CDKL1: variants seen among roughly 807,000 people sequenced by gnomAD.
CDKL1 encodes the protein cyclin-dependent kinase-like 1.
A neutral mutation model predicts 42.0 loss-of-function variants in CDKL1; 41 were observed. The ratio of observed to expected loss-of-function variants is 0.98; its 90% confidence interval spans 0.76 to 1.27. CDKL1 has a LOEUF of 1.27. Among genes scored for constraint, CDKL1 ranks in the 50% most tolerant of loss-of-function variants. The pLI, the probability that CDKL1 is intolerant of heterozygous loss-of-function variation, is 0.00. For synonymous variants in CDKL1, 153 were observed against 158.6 expected, an observed-to-expected ratio of 0.96 and a Z score of 0.26; for missense variants, 394 against 428.4, an observed-to-expected ratio of 0.92 and a Z score of 0.71.
At chr14:50,362,383 C>G (rs554974846) in intron 2 of CDKL1, 3 of 268,876 alleles carry the variant, frequency 1.1e-5, no homozygotes, top group African/African-American at 7.1e-5. Context: ...CTTGGAGAAC[C>G]TTTATGTCTA....
chr14:50,343,024 T>C, intron 4 of CDKL1: 1 of 1,352,854 alleles, frequency 7.4e-7, no homozygotes, highest in Non-Finnish European at 9.8e-7. Context: ...ACCTGTGGTT[T>C]CCAGCCCACA....
chr14:50,340,002 C>A (rs2033453859), intron 6 of CDKL1, among the ~76,000 whole-genome samples: 1 of 152,106 alleles, frequency 6.6e-6, no homozygotes, highest in African/African-American at 2.4e-5. Flanking sequence ...GGTGAGCAAC[C>A]AAGATATACC....
chr14:50,343,147 A>T lies in CDKL1; in HGVS notation c.364-925T>A, dbSNP rs2033609406. 8.7e-6 allele frequency: 5 copies of T among 577,748 alleles called. No homozygotes were observed. The South Asian group carries it at 1.0e-4, about 12-fold the overall frequency. The allele number at this position is 577,748 out of a possible 1,614,324, so 35.8% of individuals were successfully genotyped here. On this transcript the variant is annotated intron_variant, in intron 4 of 9. Transcript: ENST00000395834. ...CAAAGAACAAATCAACAACCTAATT[A>T]AGAGTTACTTTTTTTTTTTTTTTTT...
chr14:50,356,989 C>A (rs1028033852), intron 3 of CDKL1: 1 of 152,186 alleles, frequency 6.6e-6, no homozygotes, highest in Non-Finnish European at 1.5e-5. Flanking sequence ...TTGACTCCCA[C>A]AAATCAGTGT....
chr14:50,381,905 T>C (rs539383777), intron 2 of CDKL1, among the ~76,000 whole-genome samples: 5 of 152,302 alleles, frequency 3.3e-5, no homozygotes, highest in African/African-American at 9.6e-5. Flanking sequence ...CCCAAAGCGC[T>C]GGAATCACAG....
Position 50,332,435 on chromosome 14 carries a change from A to G in CDKL1, c.796-3T>C, listed in dbSNP as rs752805676. 1.3e-6 allele frequency: 2 copies of G among 1,588,726 alleles called. No homozygotes were observed. Among genetic ancestry groups the G allele is most frequent in the South Asian group, 2.3e-5 (2 of 86,076 alleles). ...GTAGGGTCCATGTGGAGACAGCCCTAAAAGAACAGAAAATTCCTTCTTCTT... is the reference window on the plus strand; with the variant it reads ...GTAGGGTCCATGTGGAGACAGCCCTGAAAGAACAGAAAATTCCTTCTTCTT... On this transcript the variant is annotated splice_polypyrimidine_tract_variant and splice_region_variant and intron_variant, in intron 8 of 9. Coordinates refer to ENST00000395834, the MANE Select transcript of CDKL1 (RefSeq NM_004196.7).
chr14:50,357,140 G>A (rs2034079472), intron 3 of CDKL1: 1 of 152,158 alleles, frequency 6.6e-6, no homozygotes, highest in Non-Finnish European at 1.5e-5. Flanking sequence ...CATACGAAAT[G>A]TTTTCTCCTT....
rs1232349563 is a variant in CDKL1 at position 50,362,260 on chromosome 14, C to A, written c.169-3111G>T. ...CCGCAGCACCCGGTCCCATCGACCA[C>A]CCAAGGACTGAGGAGTGCGGGCGCA... On this transcript the variant is annotated intron_variant, in intron 2 of 9. Transcript: ENST00000395834. 7.8e-6 allele frequency: 3 copies of A among 383,062 alleles called. No homozygotes were observed. The East Asian group carries it at 3.9e-4, about 50-fold the overall frequency. The allele number at this position is 383,062 out of a possible 1,614,324, so 23.7% of individuals were successfully genotyped here. A position where few individuals can be genotyped will look rare whatever the true frequency, so the allele number is the denominator to read the frequency against.
At chr14:50,343,375 C>T (rs1011764555) in intron 4 of CDKL1, among the ~76,000 whole-genome samples, 17 of 152,072 alleles carry the variant, frequency 1.1e-4, no homozygotes, top group African/African-American at 3.4e-4. Flanking sequence ...TCCAAAGGAC[C>T]TTCAGGATGA....
chr14:50,383,348 G>A (rs1007728359), intron 2 of CDKL1, among the ~76,000 whole-genome samples: 9 of 151,888 alleles, frequency 5.9e-5, no homozygotes, highest in Non-Finnish European at 8.8e-5. Context: ...TCAGGAGTTC[G>A]AGACCAGCCG....
intron 2 of CDKL1, among the ~76,000 whole-genome samples, chr14:50,392,487 A>G (rs2035287437): frequency 6.7e-6 from 1 of 149,224 alleles, no homozygotes; most frequent in Non-Finnish European, 1.5e-5. Context: ...AATAATAATA[A>G]TAATGAAAGA....
rs752396466 is a variant in CDKL1, at chr14:50,390,199, G to A, written c.168+5502C>T. 8.8e-6 allele frequency: 12 copies of A among 1,363,880 alleles called. No individual in the cohort carries two copies. In the African/African-American group the frequency reaches 1.8e-4, roughly 20 times the overall value. 84.5% of individuals were successfully genotyped at this position (1,363,880 alleles called of 1,614,324 possible). A position where few individuals can be genotyped will look rare whatever the true frequency, so the allele number is the denominator to read the frequency against. On this transcript the variant is annotated intron_variant, in intron 2 of 9. Transcript: ENST00000395834. ...TTTCTTGTTTTCTGGAGGGAGACAT[G>A]TCATAGACAATGTCCCAGCTGCTGC...
At chr14:50,393,886 T>C (rs2035328129) in intron 2 of CDKL1, among the ~76,000 whole-genome samples, 1 of 152,206 alleles carries the variant, frequency 6.6e-6, no homozygotes, top group African/African-American at 2.4e-5. Flanking sequence ...TCCCCATTTA[T>C]TGGCAACATC....
chr14:50,393,330 C>T (rs2035312244), intron 2 of CDKL1, among the ~76,000 whole-genome samples: 2 of 152,224 alleles, frequency 1.3e-5, no homozygotes, highest in Admixed American at 1.3e-4. Flanking sequence ...AAGAGCTGAG[C>T]TTCTGAAAGA....
In CDKL1 at chr14:50,361,432, C is replaced by T. The variant is rs577099475; in HGVS notation, c.169-2283G>A. On this transcript the variant is annotated intron_variant, in intron 2 of 9. Transcript: ENST00000395834. ...CATTTGTGCTGCTATAACAAAATAC[C>T]TGAGACTGGGTAATTTATAAAGAAC... Among the ~76,000 whole-genome samples, 7 of 152,282 alleles carry T rather than the reference C, an allele frequency of 4.6e-5. No individual in the cohort carries two copies. In the East Asian group the frequency reaches 1.3e-3, roughly 29 times the overall value.
chr14:50,336,105 ATGTC>A (rs1405612025), intron 7 of CDKL1: 1 of 1,365,976 alleles, frequency 7.3e-7, no homozygotes, highest in Admixed American at 1.9e-5. Flanking sequence ...CTCAGCAACA[ATGTC>A]TGGATGAGGC....
At chr14:50,386,358 C>T (rs1417259705) in intron 2 of CDKL1, among the ~76,000 whole-genome samples, 1 of 152,056 alleles carries the variant, frequency 6.6e-6, no homozygotes, top group East Asian at 1.9e-4. Flanking sequence ...CACTTGAGCC[C>T]AGGATTTCAA....
chr14:50,337,004 T>C (rs2033315862), intron 7 of CDKL1, among the ~76,000 whole-genome samples: 1 of 152,140 alleles, frequency 6.6e-6, no homozygotes, highest in African/African-American at 2.4e-5. Context: ...TTTTTTTGTT[T>C]GTTTTGTTTT....
chr14:50,365,025 T>C (rs531180708), intron 2 of CDKL1, among the ~76,000 whole-genome samples: 1 of 152,256 alleles, frequency 6.6e-6, no homozygotes, highest in East Asian at 1.9e-4. Flanking sequence ...GGGTGAGGTG[T>C]GGTTCAGGGA....
Sources: allele counts gnomAD v4.1 joint callset (sites outside exome capture counted in the v4.1 genomes callset), GRCh38; gene constraint gnomAD v4.1.1; transcripts MANE v1.5; gene names NCBI Gene and HGNC (gene_info 2026-07-23, HGNC 2026-07-21).